The following CALY variants were observed in gnomAD, a reference collection of about 807,000 sequenced individuals.
CALY encodes the protein neuron-specific vesicular protein calcyon.
In CALY, 15 loss-of-function variants were observed where a neutral mutation model predicts 20.2. The ratio of observed to expected loss-of-function variants is 0.74; its 90% confidence interval spans 0.50 to 1.14. The LOEUF (loss-of-function observed/expected upper bound fraction) is 1.14. Among genes scored for constraint, CALY ranks in the 50% most tolerant of loss-of-function variants. The probability of loss-of-function intolerance (pLI) is 0.00; values close to 1 mark genes in which losing one functional copy is unlikely to be tolerated. For synonymous variants in CALY, 129 were observed against 131.8 expected, an observed-to-expected ratio of 0.98 and a Z score of 0.15; for missense variants, 270 against 304.4, an observed-to-expected ratio of 0.89 and a Z score of 0.84.
chr10:133,326,943 C>T lies in CALY; in HGVS notation c.295G>A (p.Val99Met), dbSNP rs376761519. 5.5e-5 allele frequency: 89 copies of T among 1,611,198 alleles called. No homozygotes were observed. Among genetic ancestry groups the T allele is most frequent in the Admixed American group, 2.7e-4 (16 of 59,810 alleles). The change falls in exon 4 of 6, where the codon GTG (valine) becomes ATG (methionine). Residue 99 changes from valine to methionine, a missense_variant. Physicochemically the swap from Val to Met is conservative, Grantham distance 21. Transcript: ENST00000252939. ...CAGATGGCCTTGTACATGATCAGCA[C>T]GCAGCCCAGTAGCGCCATGGCGAAG... ...IAFAMALLGCVLIMYKAIWYD... is the reference protein window; with the variant it reads ...IAFAMALLGCMLIMYKAIWYD...
intron 1 of CALY, among the ~76,000 whole-genome samples, chr10:133,329,613 C>G (rs2133379119): frequency 6.6e-6 from 1 of 152,090 alleles, no homozygotes; most frequent in Admixed American, 6.6e-5. Flanking sequence ...CTCAAGCGAT[C>G]TGCTTGCCTA....
intron 1 of CALY, among the ~76,000 whole-genome samples, chr10:133,336,202 C>T (rs1174107239): frequency 1.3e-5 from 2 of 151,812 alleles, no homozygotes; most frequent in African/African-American, 4.8e-5. Flanking sequence ...GCGGGGTCGG[C>T]GCAGCCCCTC....
chr10:133,326,779 G>C, intron 4 of CALY, 99 bp downstream of exon 4: 1 of 723,986 alleles, frequency 1.4e-6, no homozygotes, highest in Non-Finnish European at 2.5e-6. Context: ...TGGAGACCAC[G>C]TTCCCCCAGC....
chr10:133,336,201 G>A (rs1435394660), intron 1 of CALY, among the ~76,000 whole-genome samples: 1 of 152,172 alleles, frequency 6.6e-6, no homozygotes, highest in Non-Finnish European at 1.5e-5. Context: ...TGCGGGGTCG[G>A]CGCAGCCCCT....
chr10:133,334,754 G>A (rs1028916168), intron 1 of CALY, among the ~76,000 whole-genome samples: 1 of 152,052 alleles, frequency 6.6e-6, no homozygotes, highest in Non-Finnish European at 1.5e-5. Context: ...GCCACTCTGA[G>A]CCGGAAGGAG....
rs530426396 is a variant in CALY, at chr10:133,330,550, T to C, written c.-20-1541A>G. Among the ~76,000 whole-genome samples, 480 of 125,552 alleles carry C rather than the reference T, an allele frequency of 3.8e-3. 2 individuals carry two copies. The highest frequency in any genetic ancestry group is 6.8e-3 in the Non-Finnish European group (417 of 61,418). The allele number at this position is 125,552 out of a possible 152,430, so 82.4% of individuals were successfully genotyped here. ...GCGGGCGCCTGTAGTCCCAGCTACT[T>C]GGGAGGCTGAGGCAGGAGAATGGCG... On this transcript the variant is annotated intron_variant, in intron 1 of 5. Transcript: ENST00000252939.
Position 133,327,938 on chromosome 10 carries a change from C to G in CALY, c.213G>C (p.Arg71Ser). ...QQNFPDLEGQRLNCSHPEEGR... is the reference protein window; with the variant it reads ...QQNFPDLEGQSLNCSHPEEGR... The stretch of plus-strand genomic sequence containing the variant: ...CTTCCTCTGGGTGGCTGCAGTTCAG[C>G]CTCTGGCCCTCCAGGTCAGGGAAAT... The change falls in exon 3 of 6, where the codon AGG (arginine) becomes AGC (serine). Residue 71 changes from arginine to serine, a missense_variant. Arg to Ser is a moderately radical substitution (Grantham distance 110, BLOSUM62 -1). Transcript: ENST00000252939. 6.2e-7 allele frequency: 1 copy of G among 1,613,144 alleles called. No homozygotes were observed. The highest frequency in any genetic ancestry group is 1.1e-5 in the South Asian group (1 of 90,802).
intron 1 of CALY, among the ~76,000 whole-genome samples, chr10:133,335,106 A>G: frequency 6.6e-6 from 1 of 150,904 alleles, no homozygotes; most frequent in Admixed American, 6.5e-5. Flanking sequence ...CGGAGGGCCG[A>G]GAGGCCGGGG....
In CALY at chr10:133,324,167, T is replaced by TC. The variant is rs978226208; in HGVS notation, c.*1427dup. On this transcript the variant is annotated 3_prime_UTR_variant, in exon 6 of 6. Coordinates refer to ENST00000252939, the MANE Select transcript of CALY (RefSeq NM_015722.4). ...TGACGCCCCAGGCCCCGGGCCCCCC[T>TC]CCCTTGCAGGCCATCAGGGCCAATT... 6.1e-5 allele frequency: 20 copies of TC among 329,010 alleles called. No individual in the cohort carries two copies. Among genetic ancestry groups the TC allele is most frequent in the African/African-American group, 4.2e-4 (19 of 45,768 alleles). 20.4% of individuals were successfully genotyped at this position (329,010 alleles called of 1,614,324 possible). A position where few individuals can be genotyped will look rare whatever the true frequency, so the allele number is the denominator to read the frequency against.
intron 4 of CALY, 114 bp downstream of exon 4, chr10:133,326,764 G>A: frequency 1.5e-6 from 1 of 671,182 alleles, no homozygotes; most frequent in Non-Finnish European, 2.7e-6. Flanking sequence ...ACAGGAACAT[G>A]GCTTTGGAGA....
chr10:133,331,300 A>G (rs1220183853), intron 1 of CALY, among the ~76,000 whole-genome samples: 3 of 152,318 alleles, frequency 2.0e-5, no homozygotes, highest in South Asian at 2.1e-4. Flanking sequence ...ACAAAGAAAG[A>G]GCTCCAGTGC....
intron 1 of CALY, among the ~76,000 whole-genome samples, chr10:133,335,097 G>A (rs1848414399): frequency 6.6e-6 from 1 of 151,052 alleles, no homozygotes; most frequent in East Asian, 1.9e-4. Context: ...TCGGAGCAGC[G>A]GAGGGCCGAG....
In CALY at chr10:133,336,831, C is replaced by T. The variant is rs997354250; in HGVS notation, c.-21+3G>A. 6.6e-6 allele frequency: 1 copy of T among 152,484 alleles called. No homozygotes were observed. Among genetic ancestry groups the T allele is most frequent in the African/African-American group, 2.4e-5 (1 of 41,460 alleles). The allele number at this position is 152,484 out of a possible 1,614,324, so 9.4% of individuals were successfully genotyped here. On this transcript the variant is annotated splice_donor_region_variant and intron_variant, in intron 1 of 5. Transcript: ENST00000252939. Reference sequence around the variant, plus strand: ...TTCTGCAAGAAATGTGGAAATAGCTCACAGGCGGCTCCACTGGCAGCTGCT... The same window carrying T: ...TTCTGCAAGAAATGTGGAAATAGCTTACAGGCGGCTCCACTGGCAGCTGCT...
intron 1 of CALY, among the ~76,000 whole-genome samples, chr10:133,332,607 G>A (rs1008886949): frequency 3.3e-5 from 5 of 151,960 alleles, no homozygotes; most frequent in African/African-American, 1.2e-4. Context: ...AAATGATGAG[G>A]GTGCATTGTG....
intron 2 of CALY, 21 bp downstream of exon 2, chr10:133,328,834 C>T (rs758844712): frequency 2.6e-6 from 4 of 1,536,118 alleles, no homozygotes; most frequent in Non-Finnish European, 3.5e-6. Context: ...GAAGGGCCCC[C>T]ACGCTGGCCC....
At chr10:133,327,527 CAAGAGGATGAGAG>C in intron 3 of CALY, 1 of 572,892 alleles carries the variant, frequency 1.7e-6, no homozygotes. Flanking sequence ...CAGATTTAAA[CAAGAGGATGAGAG>C]AAGATATTTG....
intron 1 of CALY, among the ~76,000 whole-genome samples, chr10:133,332,791 G>A (rs1035415097): frequency 1.3e-5 from 2 of 152,158 alleles, no homozygotes; most frequent in Admixed American, 6.5e-5. Context: ...ATTAAAACAG[G>A]GAAATTAGAC....
intron 1 of CALY, among the ~76,000 whole-genome samples, chr10:133,330,352 A>C (rs1186117139): frequency 3.7e-4 from 3 of 8,152 alleles, no homozygotes; most frequent in Non-Finnish European, 1.4e-3. Context: ...AACTCTGCCA[A>C]AAAAAAAAAA....
intron 1 of CALY, among the ~76,000 whole-genome samples, chr10:133,335,463 G>A (rs1490435468): frequency 2.0e-5 from 3 of 152,198 alleles, no homozygotes; most frequent in Non-Finnish European, 4.4e-5. Flanking sequence ...GCCAATTTAC[G>A]TCATCGCGGG....
Sources: allele counts gnomAD v4.1 joint callset (sites outside exome capture counted in the v4.1 genomes callset), GRCh38; gene constraint gnomAD v4.1.1; transcripts MANE v1.5; gene names NCBI Gene and HGNC (gene_info 2026-07-23, HGNC 2026-07-21).